CSRNP3: variants seen among roughly 807,000 people sequenced by gnomAD.
CSRNP3 encodes cysteine and serine rich nuclear protein 3, also known as cysteine/serine-rich nuclear protein 3.
In CSRNP3, 12 loss-of-function variants were observed where a neutral mutation model predicts 48.0. That is an observed-to-expected ratio of 0.25 (90% CI 0.16 to 0.41). The LOEUF (loss-of-function observed/expected upper bound fraction) is 0.41, where lower values mean the gene tolerates loss of function less well. Among genes scored for constraint, CSRNP3 ranks in the 10% least tolerant of loss-of-function variants. The pLI is 1.00. For synonymous variants in CSRNP3, 263 were observed against 269.7 expected (o/e 0.98, Z 0.24); for missense variants, 580 against 724.4 (o/e 0.80, Z 2.29).
intron 3 of CSRNP3, among the ~76,000 whole-genome samples, chr2:165,576,944 T>C (rs1221851673): frequency 6.6e-6 from 1 of 152,002 alleles, no homozygotes; most frequent in African/African-American, 2.4e-5. Context: ...ATTACCAGTC[T>C]GTCTTTGTCA....
chr2:165,485,292 T>C (rs1469600812), intron 1 of CSRNP3, among the ~76,000 whole-genome samples: 1 of 152,180 alleles, frequency 6.6e-6, no homozygotes, highest in African/African-American at 2.4e-5. Context: ...AGCAAATATA[T>C]CACCTTGACA....
At chr2:165,662,179 A>AGC (rs1352955874) in intron 5 of CSRNP3, among the ~76,000 whole-genome samples, 1 of 151,646 alleles carries the variant, frequency 6.6e-6, no homozygotes, top group East Asian at 1.9e-4. Context: ...TTATTTTGAA[A>AGC]ACAAAATAAA....
intron 5 of CSRNP3, among the ~76,000 whole-genome samples, chr2:165,674,727 A>G (rs1292809480): frequency 2.5e-5 from 3 of 122,336 alleles, no homozygotes; most frequent in Non-Finnish European, 4.9e-5. Context: ...TTGTTTATTT[A>G]TTTAAATAGG....
chr2:165,675,689 G>A (rs1687412425), intron 5 of CSRNP3, among the ~76,000 whole-genome samples: 1 of 152,208 alleles, frequency 6.6e-6, no homozygotes, highest in South Asian at 2.1e-4. Flanking sequence ...TGAGGGCCCT[G>A]CCCTCTGTTC....
chr2:165,521,173 CA>C (rs1348766008), intron 3 of CSRNP3, among the ~76,000 whole-genome samples: 161 of 135,434 alleles, frequency 1.2e-3, no homozygotes, highest in African/African-American at 1.0e-3. Context: ...ATGGGAAAGC[CA>C]AAAAAAAAAA....
intron 5 of CSRNP3, among the ~76,000 whole-genome samples, chr2:165,674,714 AAT>A (rs1687393319): frequency 8.0e-6 from 1 of 124,702 alleles, no homozygotes; most frequent in African/African-American, 3.1e-5. Flanking sequence ...ATATATATAT[AAT>A]TTGTTTATTT....
chr2:165,572,979 T>G (rs1685395173), intron 3 of CSRNP3, among the ~76,000 whole-genome samples: 1 of 152,144 alleles, frequency 6.6e-6, no homozygotes, highest in Admixed American at 6.5e-5. Context: ...TTTACATGTC[T>G]TATAAATTAG....
rs183164452 is a variant in CSRNP3, at chr2:165,683,981, C to T, written c.*4228C>T. Reference sequence around the variant, plus strand: ...CTGAATCAAATGAAAAAGAAATTTTCGATTAATTGCTTCTTCAATGTTAGA... The same window carrying T: ...CTGAATCAAATGAAAAAGAAATTTTTGATTAATTGCTTCTTCAATGTTAGA... On this transcript the variant is annotated 3_prime_UTR_variant, in exon 7 of 7. Coordinates refer to ENST00000651982, the MANE Select transcript of CSRNP3 (RefSeq NM_001172173.2). The T allele has an allele frequency of 2.5e-4, 38 of 152,134 alleles. No homozygotes were observed. Among genetic ancestry groups the T allele is most frequent in the South Asian group, 1.9e-3 (9 of 4,822 alleles). The allele number at this position is 152,134 out of a possible 1,614,324, so 9.4% of individuals were successfully genotyped here.
intron 3 of CSRNP3, among the ~76,000 whole-genome samples, chr2:165,538,926 C>T (rs1441064081): frequency 6.6e-6 from 1 of 151,818 alleles, no homozygotes; most frequent in East Asian, 1.9e-4. Context: ...TCTATCACCA[C>T]AAATACAGAG....
chr2:165,517,674 CT>C (rs1176671552), intron 2 of CSRNP3, among the ~76,000 whole-genome samples, 198 bp from the exon 3 acceptor site: 2 of 151,850 alleles, frequency 1.3e-5, no homozygotes, highest in Non-Finnish European at 2.9e-5. Flanking sequence ...TAGAAATTTA[CT>C]ACATTGTTCT....
At chr2:165,540,077 C>T (rs543771115) in intron 3 of CSRNP3, among the ~76,000 whole-genome samples, 1 of 152,194 alleles carries the variant, frequency 6.6e-6, no homozygotes, top group East Asian at 1.9e-4. Context: ...GACTCTCCAG[C>T]CCAAACCTCT....
chr2:165,592,396 T>G (rs1685732238), intron 3 of CSRNP3, among the ~76,000 whole-genome samples: 1 of 152,222 alleles, frequency 6.6e-6, no homozygotes, highest in South Asian at 2.1e-4. Flanking sequence ...TTTGGGTTAA[T>G]GCTGGAATGA....
intron 5 of CSRNP3, among the ~76,000 whole-genome samples, chr2:165,663,331 C>A (rs1002521394): frequency 4.6e-5 from 7 of 152,198 alleles, no homozygotes; most frequent in African/African-American, 1.7e-4. Flanking sequence ...TACAGAATTT[C>A]TGTTAGATTG....
At chr2:165,666,991 G>A (rs1687234429) in intron 5 of CSRNP3, among the ~76,000 whole-genome samples, 1 of 29,322 alleles carries the variant, frequency 3.4e-5, no homozygotes, top group Non-Finnish European at 1.1e-4. Flanking sequence ...GAGGAAGAAA[G>A]AAAGAGAGAG....
At chr2:165,617,193 G>A (rs918253281) in intron 4 of CSRNP3, among the ~76,000 whole-genome samples, 2 of 151,870 alleles carry the variant, frequency 1.3e-5, no homozygotes, top group African/African-American at 4.8e-5. Flanking sequence ...GGAGAATTAC[G>A]GTTTTCGTTT....
At chr2:165,629,288 G>A (rs559746942) in intron 4 of CSRNP3, among the ~76,000 whole-genome samples, 1 of 152,088 alleles carries the variant, frequency 6.6e-6, no homozygotes, top group Admixed American at 6.5e-5. Flanking sequence ...CCTGCTTCAG[G>A]TTCTGCGTAC....
At chr2:165,564,426 A>G (rs2123820) in intron 3 of CSRNP3, among the ~76,000 whole-genome samples, 33,747 of 152,018 alleles carry the variant, frequency 0.22, 3,912 homozygotes, top group South Asian at 0.29. Context: ...GATGGAAAAT[A>G]TAGAAAAAGC....
rs142542668 is a variant in CSRNP3 at position 165,601,198 on chromosome 2, A to G, written c.148+5985A>G. 3.0e-3 allele frequency among the ~76,000 whole-genome samples: 460 copies of G among 152,308 alleles called. 4 individuals carry two copies. The highest frequency in any genetic ancestry group is 0.011 in the African/African-American group (438 of 41,572). ...TCAAATCCCTATGGCTCTATAGCCA[A>G]TCAGCCTGTACTTGAGCACTGTCAA... is the stretch of plus-strand genomic sequence containing the variant. On this transcript the variant is annotated intron_variant, in intron 4 of 6. Coordinates refer to ENST00000651982, the MANE Select transcript of CSRNP3 (RefSeq NM_001172173.2).
chr2:165,544,517 G>A (rs531179615), intron 3 of CSRNP3, among the ~76,000 whole-genome samples: 5 of 151,176 alleles, frequency 3.3e-5, no homozygotes, highest in Non-Finnish European at 5.9e-5. Context: ...TGTGTTAAAA[G>A]TTGGCTGTAA....
Sources: gnomAD v4.1 joint callset for allele counts (sites outside exome capture counted in the v4.1 genomes callset) on GRCh38, gnomAD v4.1.1 for gene constraint, MANE v1.5 for transcripts, NCBI Gene and HGNC (gene_info 2026-07-23, HGNC 2026-07-21) for gene names.